CYP11B2: variants seen among roughly 807,000 people sequenced by gnomAD.
CYP11B2 encodes the protein cytochrome P450 family 11 subfamily B member 2, also known as cytochrome P450 11B2, mitochondrial.
A neutral mutation model predicts 49.3 loss-of-function variants in CYP11B2; 38 were observed. The observed-to-expected ratio is 0.77, with a 90% confidence interval of 0.59 to 1.01. CYP11B2 has a LOEUF of 1.01. Among genes scored for constraint, CYP11B2 ranks in the 50% least tolerant of loss-of-function variants. The pLI, the probability that CYP11B2 is intolerant of heterozygous loss-of-function variation, is 0.00. For missense variants in CYP11B2, 669 were observed against 655.5 expected, an observed-to-expected ratio of 1.02 and a Z score of -0.23; for synonymous variants, 290 against 269.3, an observed-to-expected ratio of 1.08 and a Z score of -0.75.
chr8:142,912,249 C>G (rs1291871346), intron 8 of CYP11B2, among the ~76,000 whole-genome samples, 156 bp from the exon 9 acceptor site: 1 of 152,036 alleles, frequency 6.6e-6, no homozygotes, highest in Non-Finnish European at 1.5e-5. Context: ...ACCTTACGGA[C>G]CAGGCCCAGA....
At position 142,917,738 on chromosome 8, in the gene CYP11B2, C is replaced by A. The variant is rs756695196; in HGVS notation, c.103G>T (p.Val35Leu). 27 of 1,614,250 alleles carry A rather than the reference C, an allele frequency of 1.7e-5. No homozygotes were observed. The highest frequency in any genetic ancestry group is 2.2e-5 in the Non-Finnish European group (26 of 1,180,052). ...GTRAARAPRTVLPFEAMPQHP... is the reference protein window; with the variant it reads ...GTRAARAPRTLLPFEAMPQHP... ...TGGGGCATGGCTTCAAACGGCAGCA[C>A]CGTCCTAGGGGCCCGAGCGGCTCTA... The change falls in exon 1 of 9, where the codon GTG becomes TTG. Residue 35 changes from valine (V) to leucine (L), a missense_variant. Coordinates refer to ENST00000323110, the MANE Select transcript of CYP11B2 (RefSeq NM_000498.3).
rs370598086 is a variant in CYP11B2 at position 142,912,108 on chromosome 8, G to C, written c.1399-15C>G. On this transcript the variant is annotated splice_polypyrimidine_tract_variant and intron_variant, in intron 8 of 8. Coordinates refer to ENST00000323110, the MANE Select transcript of CYP11B2 (RefSeq NM_000498.3). ...TGCTTCAGCACCTAGGACAGAGGCT[G>C]GGTTTCCATCTGGCCTGGTCAGTAG... The C allele has an allele frequency of 2.0e-5, 32 of 1,613,842 alleles. No individual in the cohort carries two copies. The African/African-American group carries it at 3.3e-4, about 17-fold the overall frequency.
chr8:142,917,513 G>C, intron 1 of CYP11B2, 89 bp downstream of exon 1: 1 of 1,613,412 alleles, frequency 6.2e-7, no homozygotes, highest in Non-Finnish European at 8.5e-7. Flanking sequence ...GGGACCTGCT[G>C]GGAATGGCAG....
At position 142,917,172 on chromosome 8, in the gene CYP11B2, C is replaced by G. The variant is rs141789054; in HGVS notation, c.282G>C (p.Pro94=). Residue 94 remains proline, a synonymous_variant, in exon 2 of 9, where the codon CCG becomes CCC. Transcript: ENST00000323110. ...CCTGTTGCAGCTTCTCCACATCCTC[C>G]GGCAGCATCACACACACCATGCGTG... The part of the protein sequence containing the change: ...GGPRMVCVML[P]EDVEKLQQVD... 1.9e-6 allele frequency: 3 copies of G among 1,614,168 alleles called. No homozygotes were observed. The highest frequency in any genetic ancestry group is 2.5e-6 in the Non-Finnish European group (3 of 1,180,036).
Position 142,914,729 on chromosome 8 carries a change from C to T in CYP11B2, c.775G>A (p.Ala259Thr), listed in dbSNP as rs1300678761. The T allele has an allele frequency of 6.2e-7, 1 of 1,611,902 alleles. No homozygotes were observed. The highest frequency in any genetic ancestry group is 8.5e-7 in the Non-Finnish European group (1 of 1,179,332). The change falls in exon 4 of 9, where the codon GCC becomes ACC. Residue 259 changes from alanine (A) to threonine (T), a missense_variant. Transcript: ENST00000323110. ...SPKVWKEHFE[A>T]WDCIFQYGDN... ...CCGTACTGGAAGATGCAGTCCCAGG[C>T]CTCAAAGTGCTCCTTCCACACCTTG... is the stretch of plus-strand genomic sequence containing the variant.
chr8:142,914,537 C>T (rs1214454874), intron 4 of CYP11B2, 119 bp from the exon 5 acceptor site: 30 of 1,427,862 alleles, frequency 2.1e-5, no homozygotes, highest in African/African-American at 1.9e-4. Context: ...CCAAATTCTC[C>T]GGATCAGCCC....
Position 142,912,499 on chromosome 8 carries a change from A to G in CYP11B2, c.1398+31T>C, listed in dbSNP as rs776900360. The G allele has an allele frequency of 1.3e-4, 163 of 1,211,178 alleles. 1 individual carries two copies. Among genetic ancestry groups the G allele is most frequent in the Non-Finnish European group, 1.9e-4 (157 of 822,642 alleles). 75.0% of individuals were successfully genotyped at this position (1,211,178 alleles called of 1,614,324 possible). A position where few individuals can be genotyped will look rare whatever the true frequency, so the allele number is the denominator to read the frequency against. ...TGTGCAGGTCCCGCCTCTGCTGCCC[A>G]GGTCCCGCCCCCGCCCCCAGGCCTG... On this transcript the variant is annotated intron_variant, in intron 8 of 8. Transcript: ENST00000323110.
chr8:142,917,261 G>T, intron 1 of CYP11B2, 47 bp from the exon 2 acceptor site: 1 of 1,598,554 alleles, frequency 6.3e-7, no homozygotes, highest in Non-Finnish European at 8.6e-7. Flanking sequence ...CATGTCCCTC[G>T]TGGCCCCACC....
At chr8:142,917,244 A>G (rs1462421931) in intron 1 of CYP11B2, 30 bp from the exon 2 acceptor site, 1 of 1,611,848 alleles carries the variant, frequency 6.2e-7, no homozygotes, top group Non-Finnish European at 8.5e-7. Flanking sequence ...GCCCTGCTGG[A>G]CGGGGTCATG....
At position 142,917,049 on chromosome 8, in the gene CYP11B2, C is replaced by T. The variant is rs193166276; in HGVS notation, c.395+10G>A. On this transcript the variant is annotated intron_variant, in intron 2 of 8. Coordinates refer to ENST00000323110, the MANE Select transcript of CYP11B2 (RefSeq NM_000498.3). The stretch of plus-strand genomic sequence containing the variant: ...TGCTCCCAGCTCTCAGCTCCCAACT[C>T]GCCGCTTACAACAAGAACACGCCAC... 3.9e-5 allele frequency: 63 copies of T among 1,614,050 alleles called. 2 individuals are homozygous for T. The East Asian group carries it at 1.0e-3, about 27-fold the overall frequency.
chr8:142,912,462 C>T (rs933707277), intron 8 of CYP11B2, 68 bp downstream of exon 8: 10 of 1,535,034 alleles, frequency 6.5e-6, no homozygotes, highest in Non-Finnish European at 2.7e-6. Flanking sequence ...ACCATGCAAG[C>T]CCCGCCCCCA....
At chr8:142,912,217 T>G in intron 8 of CYP11B2, 124 bp from the exon 9 acceptor site, 1 of 1,514,896 alleles carries the variant, frequency 6.6e-7, no homozygotes, top group Non-Finnish European at 8.9e-7. Flanking sequence ...GGCCCCAACC[T>G]ATCCCACTTC....
chr8:142,914,748 C>T lies in CYP11B2; in HGVS notation c.756G>A (p.Val252=), dbSNP rs1288724945. 6.2e-7 allele frequency: 1 copy of T among 1,613,330 alleles called. No individual in the cohort carries two copies. Among genetic ancestry groups the T allele is most frequent in the Non-Finnish European group, 8.5e-7 (1 of 1,179,850 alleles). ...RSLSRWISPK[V]WKEHFEAWDC... ...CCCAGGCCTCAAAGTGCTCCTTCCA[C>T]ACCTTGGGGCTGATCCAGCGAGACA... The change falls in exon 4 of 9, where the codon GTG becomes GTA. Residue 252 remains valine, a synonymous_variant. Coordinates refer to ENST00000323110, the MANE Select transcript of CYP11B2 (RefSeq NM_000498.3).
Position 142,917,158 on chromosome 8 carries a change from T to G in CYP11B2, c.296A>C (p.Lys99Thr). ...ATGCAGGCTGTCCACCTGTTGCAGC[T>G]TCTCCACATCCTCCGGCAGCATCAC... Reference protein sequence around the residue: ...VCVMLPEDVEKLQQVDSLHPC... With the variant: ...VCVMLPEDVETLQQVDSLHPC... Residue 99 changes from lysine to threonine, a missense_variant, in exon 2 of 9, where the codon AAG becomes ACG. Physicochemically the swap from Lys to Thr is moderately conservative, Grantham distance 78 (BLOSUM62 -1). Coordinates refer to ENST00000323110, the MANE Select transcript of CYP11B2 (RefSeq NM_000498.3). The G allele has an allele frequency of 6.2e-7, 1 of 1,614,162 alleles. No individual in the cohort carries two copies. The highest frequency in any genetic ancestry group is 8.5e-7 in the Non-Finnish European group (1 of 1,180,016).
chr8:142,917,465 T>C, intron 1 of CYP11B2, 137 bp downstream of exon 1: 1 of 1,611,274 alleles, frequency 6.2e-7, no homozygotes, highest in South Asian at 1.1e-5. Flanking sequence ...CAGCATGTGC[T>C]GCACTCCTTC....
chr8:142,917,467 C>A, intron 1 of CYP11B2, 135 bp downstream of exon 1: 1 of 1,611,640 alleles, frequency 6.2e-7, no homozygotes, highest in Non-Finnish European at 8.5e-7. Context: ...GCATGTGCTG[C>A]ACTCCTTCCC....
chr8:142,916,324 T>C (rs73715282), intron 2 of CYP11B2: 24,819 of 438,414 alleles, frequency 0.057, 3,072 homozygotes, highest in African/African-American at 0.34. Context: ...CTATTCCCAA[T>C]AGCGTTCCCT....
At chr8:142,914,477 T>C in intron 4 of CYP11B2, 59 bp from the exon 5 acceptor site, 3 of 1,519,492 alleles carry the variant, frequency 2.0e-6, no homozygotes, top group Non-Finnish European at 2.7e-6. Flanking sequence ...TCCTTCAGTG[T>C]CCTCCTCCTG....
chr8:142,911,737 G>A lies in CYP11B2; in HGVS notation c.*243C>T, dbSNP rs1247601462. ...CACTGCTTGCTGGAGAAGGGGCCAG[G>A]TGGAGCTGGGGACAAGGCCAGGCCC... On this transcript the variant is annotated 3_prime_UTR_variant, in exon 9 of 9. Transcript: ENST00000323110. 3.6e-6 allele frequency: 2 copies of A among 562,618 alleles called. No individual in the cohort carries two copies. Among genetic ancestry groups the A allele is most frequent in the Admixed American group, 3.1e-5 (1 of 32,254 alleles). 34.9% of individuals were successfully genotyped at this position (562,618 alleles called of 1,614,324 possible). A position where few individuals can be genotyped will look rare whatever the true frequency, so the allele number is the denominator to read the frequency against.
Sources: allele counts gnomAD v4.1 joint callset (sites outside exome capture counted in the v4.1 genomes callset), GRCh38; gene constraint gnomAD v4.1.1; transcripts MANE v1.5; gene names NCBI Gene and HGNC (gene_info 2026-07-23, HGNC 2026-07-21).